Variants in PPM1L observed in about 807,000 individuals in gnomAD.
PPM1L encodes protein phosphatase 1L.
A neutral mutation model predicts 31.4 loss-of-function variants in PPM1L; 13 were observed. That is an observed-to-expected ratio of 0.41 (90% CI 0.27 to 0.66). PPM1L has a LOEUF of 0.66. Ranked by LOEUF, PPM1L falls within the 30% of genes least tolerant of loss-of-function variation. The probability of loss-of-function intolerance (pLI) is 0.29; values close to 1 mark genes in which losing one functional copy is unlikely to be tolerated. For synonymous variants in PPM1L, 184 were observed against 175.4 expected (o/e 1.05, Z -0.39); for missense variants, 326 against 453.7 (o/e 0.72, Z 2.56).
intron 2 of PPM1L, chr3:161,035,823 C>A (rs1435447594): frequency 6.6e-6 from 1 of 152,174 alleles, no homozygotes; most frequent in Non-Finnish European, 1.5e-5. Context: ...CACATTGTTT[C>A]TTTTTTGCAG....
At chr3:160,986,353 T>C (rs745456096) in intron 2 of PPM1L, among the ~76,000 whole-genome samples, 2 of 152,128 alleles carry the variant, frequency 1.3e-5, no homozygotes, top group Non-Finnish European at 2.9e-5. Flanking sequence ...TGGTAAGAGG[T>C]TAGTCAGATT....
rs547192695 is a variant in PPM1L at position 160,936,767 on chromosome 3, C to T, written c.400-24969C>T. Among the ~76,000 whole-genome samples the T allele has an allele frequency of 1.2e-4, 19 of 152,204 alleles. No homozygotes were observed. The South Asian group carries it at 2.3e-3, about 18-fold the overall frequency. On this transcript the variant is annotated intron_variant, in intron 1 of 3. Coordinates refer to ENST00000498165, the MANE Select transcript of PPM1L (RefSeq NM_139245.4). ...TTTTAGGAGAGTTTAATCCATTTGT[C>T]GTCATTATAATTATCTTATTGATCC... is the stretch of plus-strand genomic sequence containing the variant.
chr3:160,954,784 TA>T (rs1383076694), intron 1 of PPM1L, among the ~76,000 whole-genome samples: 1 of 152,192 alleles, frequency 6.6e-6, no homozygotes, highest in Non-Finnish European at 1.5e-5. Context: ...GTAGTTTAAT[TA>T]AGTCCCATTT....
chr3:160,896,973 A>G (rs546520442), intron 1 of PPM1L, among the ~76,000 whole-genome samples: 1 of 150,192 alleles, frequency 6.7e-6, no homozygotes, highest in East Asian at 2.0e-4. Context: ...GACTGTTAAC[A>G]CCTCTTACAG....
chr3:161,009,970 A>C (rs976278299), intron 2 of PPM1L, among the ~76,000 whole-genome samples: 4 of 152,188 alleles, frequency 2.6e-5, no homozygotes, highest in African/African-American at 9.7e-5. Context: ...ACTCCAAATT[A>C]TAAAATATCC....
At chr3:160,932,546 A>G (rs992048386) in intron 1 of PPM1L, among the ~76,000 whole-genome samples, 4 of 152,198 alleles carry the variant, frequency 2.6e-5, no homozygotes, top group African/African-American at 9.7e-5. Flanking sequence ...TTATAGGATG[A>G]AGACTCCTTT....
At chr3:160,959,955 C>G (rs369618691) in intron 1 of PPM1L, among the ~76,000 whole-genome samples, 23 of 152,108 alleles carry the variant, frequency 1.5e-4, no homozygotes, top group African/African-American at 5.5e-4. Context: ...CTTAATTATG[C>G]TCATATATAT....
intron 2 of PPM1L, among the ~76,000 whole-genome samples, chr3:161,028,171 A>G (rs1317880979): frequency 1.3e-5 from 2 of 152,208 alleles, no homozygotes; most frequent in East Asian, 1.9e-4. Flanking sequence ...GTGATTTGCT[A>G]TGGTCATGGA....
At chr3:160,866,257 A>C (rs1214917479) in intron 1 of PPM1L, among the ~76,000 whole-genome samples, 5 of 152,228 alleles carry the variant, frequency 3.3e-5, no homozygotes, top group Non-Finnish European at 7.4e-5. Context: ...ATACAGACAC[A>C]CTTTCAACTT....
At chr3:161,001,944 G>A (rs991725445) in intron 2 of PPM1L, among the ~76,000 whole-genome samples, 5 of 151,664 alleles carry the variant, frequency 3.3e-5, no homozygotes, top group South Asian at 2.1e-4. Context: ...CCACTAACTC[G>A]TCATCTAGCA....
rs1719927156 is a variant in PPM1L, at chr3:161,071,803, C to G, written c.*2646C>G. The G allele has an allele frequency of 6.6e-6, 1 of 152,150 alleles. No homozygotes were observed. Among genetic ancestry groups the G allele is most frequent in the Admixed American group, 6.5e-5 (1 of 15,280 alleles). 9.4% of individuals were successfully genotyped at this position (152,150 alleles called of 1,614,324 possible). On this transcript the variant is annotated 3_prime_UTR_variant, in exon 4 of 4. Coordinates refer to ENST00000498165, the MANE Select transcript of PPM1L (RefSeq NM_139245.4). ...GTGCCCTATGGTACACTGGCTGCTC[C>G]CCAGGGACCTGGGAATGCTGAATCT...
At chr3:161,057,076 A>C (rs1358247459) in intron 2 of PPM1L, among the ~76,000 whole-genome samples, 1 of 152,136 alleles carries the variant, frequency 6.6e-6, no homozygotes, top group African/African-American at 2.4e-5. Context: ...AAAATAAAAA[A>C]GAATACAGCA....
intron 2 of PPM1L, among the ~76,000 whole-genome samples, chr3:160,984,132 G>A (rs1158713444): frequency 6.6e-6 from 1 of 152,144 alleles, no homozygotes; most frequent in Non-Finnish European, 1.5e-5. Flanking sequence ...CCTAATCCTA[G>A]CAAGCCTTGG....
At chr3:161,032,066 G>A (rs1445569518) in intron 2 of PPM1L, among the ~76,000 whole-genome samples, 2 of 152,122 alleles carry the variant, frequency 1.3e-5, no homozygotes, top group East Asian at 3.9e-4. Context: ...TTATTTTAGG[G>A]CTTGAACACA....
At position 161,072,327 on chromosome 3, in the gene PPM1L, A is replaced by G. The variant is rs934138330; in HGVS notation, c.*3170A>G. 6.6e-6 allele frequency: 1 copy of G among 152,246 alleles called. No homozygotes were observed. Among genetic ancestry groups the G allele is most frequent in the Non-Finnish European group, 1.5e-5 (1 of 68,062 alleles). The allele number at this position is 152,246 out of a possible 1,614,324, so 9.4% of individuals were successfully genotyped here. A position where few individuals can be genotyped will look rare whatever the true frequency, so the allele number is the denominator to read the frequency against. ...TGTACATATGTACATAGTACTGGTA[A>G]CCAGTGGCTGCATTTTATTCCTTGC... On this transcript the variant is annotated 3_prime_UTR_variant, in exon 4 of 4. Coordinates refer to ENST00000498165, the MANE Select transcript of PPM1L (RefSeq NM_139245.4).
chr3:160,984,338 G>T (rs578009119), intron 2 of PPM1L, among the ~76,000 whole-genome samples: 3 of 152,122 alleles, frequency 2.0e-5, no homozygotes, highest in Non-Finnish European at 2.9e-5. Context: ...GAGAAATATG[G>T]CTCTGTCCTG....
chr3:160,926,854 A>G (rs995880458), intron 1 of PPM1L, among the ~76,000 whole-genome samples: 5 of 152,198 alleles, frequency 3.3e-5, no homozygotes, highest in Admixed American at 2.0e-4. Flanking sequence ...GTTATTGGAT[A>G]TGTAAAACAT....
At chr3:160,883,546 A>G (rs1712797855) in intron 1 of PPM1L, among the ~76,000 whole-genome samples, 1 of 152,088 alleles carries the variant, frequency 6.6e-6, no homozygotes, top group Admixed American at 6.6e-5. Flanking sequence ...CAAACCGAAG[A>G]CAGAGTTAGA....
At chr3:160,809,471 C>T (rs1712743443) in intron 1 of PPM1L, among the ~76,000 whole-genome samples, 2 of 152,140 alleles carry the variant, frequency 1.3e-5, no homozygotes, top group African/African-American at 4.8e-5. Context: ...ATAGCTTCAA[C>T]CCCTCCGTTG....
Sources: allele counts gnomAD v4.1 joint callset (sites outside exome capture counted in the v4.1 genomes callset), GRCh38; gene constraint gnomAD v4.1.1; transcripts MANE v1.5; gene names NCBI Gene and HGNC (gene_info 2026-07-23, HGNC 2026-07-21).